The following PIK3CB variants were observed in gnomAD, a reference collection of about 807,000 sequenced individuals.
The protein encoded by PIK3CB is phosphatidylinositol 4,5-bisphosphate 3-kinase catalytic subunit beta isoform.
In PIK3CB, 39 loss-of-function variants were observed where a neutral mutation model predicts 136.8. That is an observed-to-expected ratio of 0.29 (90% CI 0.22 to 0.37). The LOEUF (loss-of-function observed/expected upper bound fraction) is 0.37, where lower values mean the gene tolerates loss of function less well. Ranked by LOEUF, PIK3CB falls within the 10% of genes least tolerant of loss-of-function variation. The pLI is 1.00. For synonymous variants in PIK3CB, 428 were observed against 436.6 expected (o/e 0.98, Z 0.25); for missense variants, 868 against 1,275.4 (o/e 0.68, Z 4.87).
At position 138,681,821 on chromosome 3, in the gene PIK3CB, G is replaced by A. The variant is rs1364418233; in HGVS notation, c.2504+146C>T. 3 of 528,450 alleles carry A rather than the reference G, an allele frequency of 5.7e-6. No homozygotes were observed. The Admixed American group carries it at 1.1e-4, about 20-fold the overall frequency. 32.7% of individuals were successfully genotyped at this position (528,450 alleles called of 1,614,324 possible). A position where few individuals can be genotyped will look rare whatever the true frequency, so the allele number is the denominator to read the frequency against. ...AAAGTTTAGGCAAGACAACATATTTGAAAGTACATTCTAAAGTGCTATATA... is the reference window on the plus strand; with the variant it reads ...AAAGTTTAGGCAAGACAACATATTTAAAAGTACATTCTAAAGTGCTATATA... On this transcript the variant is annotated intron_variant, in intron 19 of 23. Coordinates refer to ENST00000674063, the MANE Select transcript of PIK3CB (RefSeq NM_006219.3).
At chr3:138,754,312 T>C (rs2045525031) in intron 4 of PIK3CB, among the ~76,000 whole-genome samples, 1 of 151,846 alleles carries the variant, frequency 6.6e-6, no homozygotes, top group Admixed American at 6.6e-5. Context: ...CTTGCATCTG[T>C]ATGTAGTCCC....
At chr3:138,760,396 C>T (rs186395439) in intron 2 of PIK3CB, among the ~76,000 whole-genome samples, 6 of 152,250 alleles carry the variant, frequency 3.9e-5, no homozygotes, top group African/African-American at 1.2e-4. Flanking sequence ...CTTCCTGCTG[C>T]TAGACCTATG....
intron 7 of PIK3CB, 62 bp from the exon 8 acceptor site, chr3:138,733,500 C>CAATGCAAT: frequency 1.2e-6 from 1 of 824,482 alleles, no homozygotes; most frequent in South Asian, 1.6e-5. Context: ...TCTATGCTAG[C>CAATGCAAT]AATGCAATTG....
intron 1 of PIK3CB, among the ~76,000 whole-genome samples, chr3:138,814,532 G>C (rs925502248): frequency 6.6e-6 from 1 of 151,472 alleles, no homozygotes; most frequent in Non-Finnish European, 1.5e-5. Flanking sequence ...GGAAGACCAG[G>C]GCTATTTCAC....
chr3:138,660,288 T>G (rs2043272372), intron 21 of PIK3CB, among the ~76,000 whole-genome samples: 1 of 152,234 alleles, frequency 6.6e-6, no homozygotes, highest in African/African-American at 2.4e-5. Context: ...ATATTTACAC[T>G]ATTTCTATTT....
intron 1 of PIK3CB, among the ~76,000 whole-genome samples, chr3:138,810,544 A>G (rs1932983376): frequency 6.6e-6 from 1 of 152,130 alleles, no homozygotes. Context: ...TTAAAAAAAA[A>G]AAAATCAGAA....
At chr3:138,701,816 TAATA>T in intron 12 of PIK3CB, among the ~76,000 whole-genome samples, 1 of 150,096 alleles carries the variant, frequency 6.7e-6, no homozygotes, top group African/African-American at 2.4e-5. Context: ...AAGAAAAATC[TAATA>T]GATACTAGTA....
chr3:138,748,769 G>A (rs2045412015), intron 4 of PIK3CB, among the ~76,000 whole-genome samples: 1 of 152,144 alleles, frequency 6.6e-6, no homozygotes, highest in Non-Finnish European at 1.5e-5. Context: ...ATATGCATAA[G>A]TTTTTGTTTT....
chr3:138,819,591 G>C (rs191683330), intron 1 of PIK3CB, among the ~76,000 whole-genome samples: 2 of 152,246 alleles, frequency 1.3e-5, no homozygotes, highest in East Asian at 3.9e-4. Context: ...GAATAAGAAG[G>C]ACATTTTTAA....
In PIK3CB at chr3:138,704,542, A is replaced by C. The variant is rs562722856; in HGVS notation, c.1531-49T>G. On this transcript the variant is annotated intron_variant, in intron 11 of 23. Transcript: ENST00000674063. Reference sequence around the variant, plus strand: ...TGAATTTTGGCTCTCATATTTGTAGAATTTTAAGTGTAAATGACTACATTT... The same window carrying C: ...TGAATTTTGGCTCTCATATTTGTAGCATTTTAAGTGTAAATGACTACATTT... 22 of 1,222,418 alleles carry C rather than the reference A, an allele frequency of 1.8e-5. No homozygotes were observed. The South Asian group carries it at 2.4e-4, about 13-fold the overall frequency. 75.7% of individuals were successfully genotyped at this position (1,222,418 alleles called of 1,614,324 possible).
chr3:138,805,932 G>T (rs1008335748), intron 1 of PIK3CB, among the ~76,000 whole-genome samples: 5 of 151,528 alleles, frequency 3.3e-5, no homozygotes, highest in African/African-American at 1.2e-4. Context: ...GTTTCACCAC[G>T]TTGGTCAGGA....
chr3:138,773,759 G>C (rs530029498), intron 2 of PIK3CB, among the ~76,000 whole-genome samples: 1 of 152,204 alleles, frequency 6.6e-6, no homozygotes, highest in South Asian at 2.1e-4. Flanking sequence ...ACATCAACAA[G>C]ATAAGTTATT....
intron 2 of PIK3CB, among the ~76,000 whole-genome samples, chr3:138,768,156 A>G (rs1389082752): frequency 2.0e-5 from 3 of 151,644 alleles, no homozygotes; most frequent in Admixed American, 6.6e-5. Flanking sequence ...AGGCCCTGAA[A>G]TGGGTAGCTC....
chr3:138,831,276 A>AAAATAAAATT (rs1934023980), intron 1 of PIK3CB, among the ~76,000 whole-genome samples: 1 of 135,698 alleles, frequency 7.4e-6, no homozygotes, highest in Non-Finnish European at 1.5e-5. Context: ...AAAATAAAAT[A>AAAATAAAATT]AAATAAAATT....
In PIK3CB at chr3:138,653,760, G is replaced by C. The variant is rs2108376392; in HGVS notation, c.*1629C>G. The C allele has an allele frequency of 5.2e-6, 1 of 190,806 alleles. No individual in the cohort carries two copies. Among genetic ancestry groups the C allele is most frequent in the South Asian group, 1.9e-4 (1 of 5,162 alleles). 11.8% of individuals were successfully genotyped at this position (190,806 alleles called of 1,614,324 possible). ...CTCCAAAGCAGCAGAGTCTGGCCTT[G>C]GCTCAGTGCCAAGTAACTACCCAGA... On this transcript the variant is annotated 3_prime_UTR_variant, in exon 24 of 24. Transcript: ENST00000674063.
chr3:138,737,895 G>C lies in PIK3CB; in HGVS notation c.622-9C>G. 1 of 1,551,996 alleles carries C rather than the reference G, an allele frequency of 6.4e-7. No individual in the cohort carries two copies. Among genetic ancestry groups the C allele is most frequent in the Non-Finnish European group, 8.8e-7 (1 of 1,142,842 alleles). The stretch of plus-strand genomic sequence containing the variant: ...TGAAAGCTAAACACGTCCTGAAGGG[G>C]GAGGGAGATGGGGAAAAAAGCAGTA... On this transcript the variant is annotated splice_polypyrimidine_tract_variant and intron_variant, in intron 5 of 23. Transcript: ENST00000674063.
chr3:138,785,229 AG>A (rs2045967032), intron 2 of PIK3CB, among the ~76,000 whole-genome samples: 1 of 149,136 alleles, frequency 6.7e-6, no homozygotes, highest in Admixed American at 6.6e-5. Flanking sequence ...CCTGTCCCGG[AG>A]GGAGGCGGGG....
chr3:138,674,686 A>ACTTATTACACAAAG (rs2043607984), intron 19 of PIK3CB, among the ~76,000 whole-genome samples: 1 of 152,196 alleles, frequency 6.6e-6, no homozygotes, highest in Non-Finnish European at 1.5e-5. Context: ...AGGAAAATCA[A>ACTTATTACACAAAG]ATTTTCAACT....
At chr3:138,667,318 G>C (rs1046893957) in intron 19 of PIK3CB, among the ~76,000 whole-genome samples, 1 of 151,496 alleles carries the variant, frequency 6.6e-6, no homozygotes, top group Non-Finnish European at 1.5e-5. Flanking sequence ...AGTAAGTGGT[G>C]AAAAGACCAT....
Sources: allele counts gnomAD v4.1 joint callset (sites outside exome capture counted in the v4.1 genomes callset), GRCh38; gene constraint gnomAD v4.1.1; transcripts MANE v1.5; gene names NCBI Gene and HGNC (gene_info 2026-07-23, HGNC 2026-07-21).